The following GPHN variants were observed in gnomAD, a reference collection of about 807,000 sequenced individuals.
The protein encoded by GPHN is gephyrin.
A neutral mutation model predicts 95.5 loss-of-function variants in GPHN; 17 were observed. That is an observed-to-expected ratio of 0.18 (90% CI 0.12 to 0.27). The LOEUF (loss-of-function observed/expected upper bound fraction) is 0.27, where lower values mean the gene tolerates loss of function less well. GPHN is among the 10% of genes least tolerant of loss of function. The pLI is 1.00. For synonymous variants in GPHN, 320 were observed against 322.5 expected (o/e 0.99, Z 0.08); for missense variants, 660 against 978.1 (o/e 0.67, Z 4.34).
chr14:66,843,498 A>G (rs146148447), intron 4 of GPHN, among the ~76,000 whole-genome samples: 106 of 152,128 alleles, frequency 7.0e-4, no homozygotes, highest in Non-Finnish European at 1.3e-3. Flanking sequence ...TCCTCTACCT[A>G]TTTGCTACCT....
intron 1 of GPHN, among the ~76,000 whole-genome samples, chr14:66,556,071 G>A (rs1337943300): frequency 6.6e-6 from 1 of 152,078 alleles, no homozygotes; most frequent in Non-Finnish European, 1.5e-5. Context: ...AGTGCTGTAG[G>A]CAGTTGCAAC....
At chr14:67,015,734 C>T (rs1290174263) in intron 9 of GPHN, among the ~76,000 whole-genome samples, 1 of 152,006 alleles carries the variant, frequency 6.6e-6, no homozygotes, top group African/African-American at 2.4e-5. Flanking sequence ...CATTGCTACT[C>T]TCTATCAGTG....
intron 9 of GPHN, among the ~76,000 whole-genome samples, chr14:67,020,148 G>A (rs1355569736): frequency 2.0e-5 from 3 of 152,148 alleles, no homozygotes; most frequent in Non-Finnish European, 4.4e-5. Context: ...TTTTTGGTGT[G>A]AGATTCATGT....
chr14:67,164,997 ATTTAAGTG>A (rs2082193876), intron 19 of GPHN, among the ~76,000 whole-genome samples, 157 bp from the exon 20 acceptor site: 1 of 152,164 alleles, frequency 6.6e-6, no homozygotes, highest in Non-Finnish European at 1.5e-5. Context: ...AAACAAACTT[ATTTAAGTG>A]TCTGTGGAAT....
chr14:67,607,655 A>ATG, the GPHN span, among the ~76,000 whole-genome samples: 1 of 152,022 alleles, frequency 6.6e-6, no homozygotes, highest in Non-Finnish European at 1.5e-5. Flanking sequence ...GTGAGCCACC[A>ATG]CGCCCGGCCT....
the GPHN span, among the ~76,000 whole-genome samples, chr14:67,706,948 GAGGA>G: frequency 2.0e-5 from 3 of 152,148 alleles, no homozygotes; most frequent in African/African-American, 7.2e-5. Flanking sequence ...AAATTAGGGG[GAGGA>G]AGGGATACAA....
At chr14:67,656,549 G>C in the GPHN span, 1 of 1,613,852 alleles carries the variant, frequency 6.2e-7, no homozygotes, top group South Asian at 1.1e-5. Flanking sequence ...CAGGCTTTCA[G>C]TGCCCTGCAG....
the GPHN span, among the ~76,000 whole-genome samples, chr14:67,402,628 C>T: frequency 6.6e-6 from 1 of 152,172 alleles, no homozygotes; most frequent in Non-Finnish European, 1.5e-5. Flanking sequence ...TCTCTAAGTC[C>T]ATGAGTTGTT....
chr14:66,539,312 A>G (rs2059260405), intron 1 of GPHN, among the ~76,000 whole-genome samples: 1 of 150,890 alleles, frequency 6.6e-6, no homozygotes. Flanking sequence ...AGCCTCCTTC[A>G]TTACTTAGAA....
chr14:67,428,156 C>T, the GPHN span, among the ~76,000 whole-genome samples: 1 of 152,048 alleles, frequency 6.6e-6, no homozygotes, highest in African/African-American at 2.4e-5. Context: ...TGACCTCAAG[C>T]GACCCACCCG....
At chr14:66,887,801 G>C (rs1415949556) in intron 5 of GPHN, among the ~76,000 whole-genome samples, 2 of 152,190 alleles carry the variant, frequency 1.3e-5, no homozygotes, top group African/African-American at 4.8e-5. Flanking sequence ...GGAATTATCA[G>C]TCTGGGAATT....
At chr14:67,257,625 A>T in the GPHN span, among the ~76,000 whole-genome samples, 2 of 152,190 alleles carry the variant, frequency 1.3e-5, no homozygotes, top group Non-Finnish European at 2.9e-5. Context: ...GCATGTATGT[A>T]TACATAGAAC....
At chr14:67,475,733 C>G in the GPHN span, among the ~76,000 whole-genome samples, 1 of 152,138 alleles carries the variant, frequency 6.6e-6, no homozygotes, top group African/African-American at 2.4e-5. Flanking sequence ...GCTCCTTTCC[C>G]CTCCCCTCTT....
At chr14:67,721,796 T>C in the GPHN span, among the ~76,000 whole-genome samples, 2 of 150,758 alleles carry the variant, frequency 1.3e-5, no homozygotes, top group African/African-American at 2.4e-5. Flanking sequence ...AACCATATAT[T>C]ATATATATAA....
At chr14:67,172,688 C>G (rs936147865) in intron 21 of GPHN, among the ~76,000 whole-genome samples, 1 of 152,176 alleles carries the variant, frequency 6.6e-6, no homozygotes, top group African/African-American at 2.4e-5. Flanking sequence ...AGACTACCCC[C>G]CTAGTGTCTG....
intron 1 of GPHN, among the ~76,000 whole-genome samples, chr14:66,674,683 A>G (rs2066489559): frequency 1.3e-5 from 2 of 152,190 alleles, no homozygotes; most frequent in South Asian, 4.1e-4. Flanking sequence ...TCAATTATGT[A>G]TATACGACAC....
the GPHN span, among the ~76,000 whole-genome samples, chr14:67,324,475 C>T: frequency 1.3e-5 from 2 of 152,124 alleles, no homozygotes; most frequent in Non-Finnish European, 2.9e-5. Flanking sequence ...AGAGGGCTCA[C>T]TCAGATTGCC....
At chr14:67,339,828 G>A in the GPHN span, among the ~76,000 whole-genome samples, 1 of 152,104 alleles carries the variant, frequency 6.6e-6, no homozygotes, top group African/African-American at 2.4e-5. Context: ...GCCAGGCACG[G>A]TGGCTCATGC....
At position 66,508,217 on chromosome 14, in the gene GPHN, G is replaced by C. The variant is rs2057864237; in HGVS notation, c.-311G>C. The C allele has an allele frequency of 1.9e-6, 1 of 528,640 alleles. No homozygotes were observed. The highest frequency in any genetic ancestry group is 3.4e-6 in the Non-Finnish European group (1 of 292,000). The allele number at this position is 528,640 out of a possible 1,614,324, so 32.7% of individuals were successfully genotyped here. ...CCGCAGAGCGTTCCGACACTCTCCG[G>C]CCTCGTTCTGCCGCCTCCGCGCGCT... On this transcript the variant is annotated 5_prime_UTR_variant, in exon 1 of 23. Coordinates refer to ENST00000478722, the MANE Select transcript of GPHN (RefSeq NM_020806.5).
Sources: allele counts gnomAD v4.1 joint callset (sites outside exome capture counted in the v4.1 genomes callset), GRCh38; gene constraint gnomAD v4.1.1; transcripts MANE v1.5; gene names NCBI Gene and HGNC (gene_info 2026-07-23, HGNC 2026-07-21).